CCPG1: variants seen among roughly 807,000 people sequenced by gnomAD.
The protein encoded by CCPG1 is cell cycle progression protein 1.
In CCPG1, 46 loss-of-function variants were observed where a neutral mutation model predicts 81.3. The ratio of observed to expected loss-of-function variants is 0.57; its 90% CI spans 0.45 to 0.72. The LOEUF (loss-of-function observed/expected upper bound fraction) is 0.72. Ranked by LOEUF, CCPG1 falls within the 30% of genes least tolerant of loss-of-function variation. CCPG1 has a pLI of 0.00. For missense variants in CCPG1, 902 were observed against 937.6 expected, an observed-to-expected ratio of 0.96 and a Z score of 0.50; for synonymous variants, 330 against 305.2, an observed-to-expected ratio of 1.08 and a Z score of -0.85.
intron 5 of CCPG1, chr15:55,372,757 T>C (rs2056480082): frequency 6.9e-6 from 2 of 289,786 alleles, no homozygotes; most frequent in Admixed American, 4.8e-5. Flanking sequence ...TTCAAAGAGG[T>C]AATTTAAGTG....
At chr15:55,356,822 C>T in intron 8 of CCPG1, 1 of 990,910 alleles carries the variant, frequency 1.0e-6, no homozygotes, top group African/African-American at 1.7e-5. Context: ...ACAGCAAAAG[C>T]TCACAACACC....
chr15:55,363,857 G>C (rs545278351), intron 7 of CCPG1, among the ~76,000 whole-genome samples: 7 of 132,406 alleles, frequency 5.3e-5, no homozygotes, highest in African/African-American at 1.9e-4. Flanking sequence ...AGGCCGGAGT[G>C]CAATAGTGTG....
At chr15:55,377,783 A>G (rs2056597660) in intron 4 of CCPG1, among the ~76,000 whole-genome samples, 1 of 152,240 alleles carries the variant, frequency 6.6e-6, no homozygotes, top group Admixed American at 6.5e-5. Context: ...TGGAAACAAG[A>G]CAGCATGTCA....
chr15:55,356,578 T>G, intron 8 of CCPG1, 169 bp from the exon 9 acceptor site: 1 of 1,237,948 alleles, frequency 8.1e-7, no homozygotes, highest in Non-Finnish European at 1.0e-6. Context: ...GAGTCTGTAT[T>G]AGTTTTTTTG....
chr15:55,382,084 C>T (rs2056709917), intron 3 of CCPG1, among the ~76,000 whole-genome samples: 1 of 152,162 alleles, frequency 6.6e-6, no homozygotes, highest in South Asian at 2.1e-4. Context: ...AATATTTTTG[C>T]TGGTGGAGAG....
intron 1 of CCPG1, among the ~76,000 whole-genome samples, chr15:55,401,273 A>AT (rs1396111957): frequency 6.6e-6 from 1 of 152,132 alleles, no homozygotes; most frequent in African/African-American, 2.4e-5. Context: ...TGTTCCACTG[A>AT]TCTATTTTCT....
chr15:55,381,046 A>C (rs1000951654), intron 3 of CCPG1, among the ~76,000 whole-genome samples: 1 of 152,020 alleles, frequency 6.6e-6, no homozygotes, highest in Non-Finnish European at 1.5e-5. Context: ...CTGAGGCAGG[A>C]GAATGGCGTG....
chr15:55,375,398 C>T (rs774874883), intron 5 of CCPG1, among the ~76,000 whole-genome samples: 6 of 151,888 alleles, frequency 4.0e-5, no homozygotes, highest in African/African-American at 1.5e-4. Context: ...GGAAAGGAAG[C>T]GGGGGTGGGG....
At position 55,356,015 on chromosome 15, in the gene CCPG1, A is replaced by G. The variant is rs2141234027; in HGVS notation, c.*205T>C. ...TTGAACATTTCCAGTGTCAAAAAAA[A>G]TTCAACGAAGCTAAACTACAGGAAA... is the stretch of plus-strand genomic sequence containing the variant. On this transcript the variant is annotated 3_prime_UTR_variant, in exon 9 of 9. Coordinates refer to ENST00000442196, the MANE Select transcript of CCPG1 (RefSeq NM_001204450.2). The G allele has an allele frequency of 1.9e-6, 1 of 519,468 alleles. No homozygotes were observed. Among genetic ancestry groups the G allele is most frequent in the African/African-American group, 2.0e-5 (1 of 49,904 alleles). The allele number at this position is 519,468 out of a possible 1,614,324, so 32.2% of individuals were successfully genotyped here.
intron 3 of CCPG1, among the ~76,000 whole-genome samples, chr15:55,384,744 GA>G (rs762544208): frequency 6.6e-6 from 1 of 152,000 alleles, no homozygotes; most frequent in Non-Finnish European, 1.5e-5. Flanking sequence ...TATGCTATCG[GA>G]AAAATGGCAT....
chr15:55,378,294 G>A lies in CCPG1; in HGVS notation c.252+6C>T, dbSNP rs371561217. ...CATATATCCACAGTGTAAAATACAAGTTTACCTCAATTGTTGAGCTGGTTT... is the reference window on the plus strand; with the variant it reads ...CATATATCCACAGTGTAAAATACAAATTTACCTCAATTGTTGAGCTGGTTT... On this transcript the variant is annotated splice_donor_region_variant and intron_variant, in intron 4 of 8. Coordinates refer to ENST00000442196, the MANE Select transcript of CCPG1 (RefSeq NM_001204450.2). The A allele has an allele frequency of 3.2e-6, 5 of 1,575,964 alleles. No homozygotes were observed.
At chr15:55,370,268 A>C (rs769668963) in intron 6 of CCPG1, among the ~76,000 whole-genome samples, 1 of 152,248 alleles carries the variant, frequency 6.6e-6, no homozygotes, top group Non-Finnish European at 1.5e-5. Context: ...CAATCTTTGC[A>C]TAAGAAATAC....
intron 7 of CCPG1, 92 bp from the exon 8 acceptor site, chr15:55,361,036 G>C: frequency 7.5e-7 from 1 of 1,331,536 alleles, no homozygotes; most frequent in Non-Finnish European, 9.8e-7. Context: ...ATAAGCTTTT[G>C]TGTCTTTACT....
At chr15:55,392,109 A>G (rs747906464) in intron 1 of CCPG1, among the ~76,000 whole-genome samples, 5 of 152,046 alleles carry the variant, frequency 3.3e-5, no homozygotes, top group Non-Finnish European at 5.9e-5. Flanking sequence ...CACACAGGAA[A>G]AACAAAGGCA....
In CCPG1 at chr15:55,363,387, CA is replaced by C. The variant is rs796788289; in HGVS notation, c.828+1800del. 2.3e-3 allele frequency among the ~76,000 whole-genome samples: 339 copies of C among 150,588 alleles called. 11 individuals are homozygous for C. Among genetic ancestry groups the C allele is most frequent in the African/African-American group, 7.6e-3 (314 of 41,338 alleles). ...ACAAAACAAAAAAAAAACCCAAACC[CA>C]AACCAAACTACAAACTCTCTCTAGA... On this transcript the variant is annotated intron_variant, in intron 7 of 8. Transcript: ENST00000442196.
rs2056055774 is a variant in CCPG1, at chr15:55,355,369, A to G, written c.*851T>C. The G allele has an allele frequency of 1.2e-6, 2 of 1,611,940 alleles. No individual in the cohort carries two copies. Among genetic ancestry groups the G allele is most frequent in the African/African-American group, 2.7e-5 (2 of 74,978 alleles). ...CTCACTTGCCAGAGGGTCGAATTGGAAGTCACATATATGTCTATGAACGGA... is the reference window on the plus strand; with the variant it reads ...CTCACTTGCCAGAGGGTCGAATTGGGAGTCACATATATGTCTATGAACGGA... On this transcript the variant is annotated 3_prime_UTR_variant, in exon 9 of 9. Transcript: ENST00000442196.
At chr15:55,368,439 T>C (rs1286543874) in intron 6 of CCPG1, among the ~76,000 whole-genome samples, 1 of 152,174 alleles carries the variant, frequency 6.6e-6, no homozygotes, top group Non-Finnish European at 1.5e-5. Context: ...AGTGTACCCT[T>C]TGAGCTGTAA....
chr15:55,384,228 G>A (rs1398742363), intron 3 of CCPG1, among the ~76,000 whole-genome samples: 1 of 152,138 alleles, frequency 6.6e-6, no homozygotes, highest in Non-Finnish European at 1.5e-5. Context: ...AGAGCAGTCA[G>A]AACACACACA....
At chr15:55,356,772 T>G (rs1283274947) in intron 8 of CCPG1, 2 of 1,002,812 alleles carry the variant, frequency 2.0e-6, no homozygotes, top group Middle Eastern at 5.0e-4. Flanking sequence ...CATACACATC[T>G]CTCACAAACA....
Sources: gnomAD v4.1 joint callset for allele counts (sites outside exome capture counted in the v4.1 genomes callset) on GRCh38, gnomAD v4.1.1 for gene constraint, MANE v1.5 for transcripts, NCBI Gene and HGNC (gene_info 2026-07-23, HGNC 2026-07-21) for gene names.